Variants in PPP1R13B observed in about 807,000 individuals in gnomAD.
The protein encoded by PPP1R13B is apoptosis-stimulating of p53 protein 1.
In PPP1R13B, 44 loss-of-function variants were observed where a neutral mutation model predicts 119.8. That is an observed-to-expected ratio of 0.37 (90% CI 0.29 to 0.47). The LOEUF is 0.47. Ranked by LOEUF, PPP1R13B falls within the 20% of genes least tolerant of loss-of-function variation. The pLI, the probability that PPP1R13B is intolerant of heterozygous loss-of-function variation, is 0.99. For synonymous variants in PPP1R13B, 542 were observed against 561.5 expected (o/e 0.97, Z 0.49); for missense variants, 1,227 against 1,413.5 (o/e 0.87, Z 2.12).
intron 1 of PPP1R13B, among the ~76,000 whole-genome samples, chr14:103,812,669 T>G (rs1447261325): frequency 6.6e-6 from 1 of 151,664 alleles, no homozygotes; most frequent in African/African-American, 2.4e-5. Flanking sequence ...TCCCCCTGCC[T>G]CAGCCAAGGT....
intron 1 of PPP1R13B, among the ~76,000 whole-genome samples, chr14:103,817,969 T>C (rs544804269): frequency 6.6e-6 from 1 of 151,884 alleles, no homozygotes; most frequent in South Asian, 2.1e-4. Context: ...CTACAGGAAA[T>C]AATCTTTACC....
Position 103,773,749 on chromosome 14 carries a change from G to C in PPP1R13B, c.354+4996C>G, listed in dbSNP as rs151188806. 3.3e-5 allele frequency among the ~76,000 whole-genome samples: 5 copies of C among 152,284 alleles called. No individual in the cohort carries two copies. In the East Asian group the frequency reaches 9.6e-4, roughly 29 times the overall value. ...GAAAGGGGAATAAAATGTAGGGACT[G>C]AAAATAAGGCAGACTGAGTGAACAA... On this transcript the variant is annotated intron_variant, in intron 4 of 16. Coordinates refer to ENST00000202556, the MANE Select transcript of PPP1R13B (RefSeq NM_015316.3).
intron 4 of PPP1R13B, among the ~76,000 whole-genome samples, chr14:103,776,672 A>C (rs1239433322): frequency 6.6e-6 from 1 of 152,148 alleles, no homozygotes; most frequent in Non-Finnish European, 1.5e-5. Flanking sequence ...GGAGATTGAG[A>C]CCATCTTGGC....
intron 9 of PPP1R13B, chr14:103,744,052 G>A (rs1378329606): frequency 6.6e-6 from 1 of 152,258 alleles, no homozygotes; most frequent in Non-Finnish European, 1.5e-5. Context: ...GCTCCACGTG[G>A]CCTGGAGGAT....
At chr14:103,815,770 T>C (rs2086264198) in intron 1 of PPP1R13B, among the ~76,000 whole-genome samples, 1 of 137,046 alleles carries the variant, frequency 7.3e-6, no homozygotes, top group Non-Finnish European at 1.6e-5. Context: ...TAAAATAAAA[T>C]AAAATAATTT....
At chr14:103,800,084 G>A (rs1340611502) in intron 1 of PPP1R13B, among the ~76,000 whole-genome samples, 2 of 151,660 alleles carry the variant, frequency 1.3e-5, no homozygotes, top group Non-Finnish European at 2.9e-5. Context: ...AAAAATAAAG[G>A]AATAAAGTAA....
At chr14:103,794,902 A>T (rs1040879750) in intron 2 of PPP1R13B, among the ~76,000 whole-genome samples, 1 of 152,186 alleles carries the variant, frequency 6.6e-6, no homozygotes, top group Non-Finnish European at 1.5e-5. Flanking sequence ...GCCTTCAGGA[A>T]TTTTAGTCCA....
chr14:103,762,723 G>A (rs1002103814), intron 4 of PPP1R13B: 1 of 648,634 alleles, frequency 1.5e-6, no homozygotes, highest in Non-Finnish European at 2.8e-6. Flanking sequence ...TGTCGGCGGT[G>A]GCCGTGGGGG....
rs1241502187 is a variant in PPP1R13B at position 103,788,967 on chromosome 14, G to C, written c.158-4053C>G. ...GGAGTTGGTAGATGGTGAGAGTATT[G>C]CAGGGAGGAGAGGATGGTGGGCTGA... On this transcript the variant is annotated intron_variant, in intron 2 of 16. Coordinates refer to ENST00000202556, the MANE Select transcript of PPP1R13B (RefSeq NM_015316.3). 2.6e-5 allele frequency among the ~76,000 whole-genome samples: 4 copies of C among 152,190 alleles called. No individual in the cohort carries two copies. The East Asian group carries it at 7.7e-4, about 29-fold the overall frequency.
chr14:103,794,492 A>G (rs1382120362), intron 2 of PPP1R13B: 5 of 254,434 alleles, frequency 2.0e-5, no homozygotes, highest in South Asian at 3.8e-5. Flanking sequence ...ATGCCCAGCT[A>G]ATTTTTTGTT....
At chr14:103,828,510 C>G (rs1191166722) in intron 1 of PPP1R13B, among the ~76,000 whole-genome samples, 2 of 152,176 alleles carry the variant, frequency 1.3e-5, no homozygotes, top group Non-Finnish European at 1.5e-5. Context: ...CAGCTTGGCC[C>G]TGGGCCAGGC....
At chr14:103,754,931 C>A (rs942419044) in intron 5 of PPP1R13B, among the ~76,000 whole-genome samples, 1 of 152,130 alleles carries the variant, frequency 6.6e-6, no homozygotes, top group Non-Finnish European at 1.5e-5. Context: ...AGGCGCCCAC[C>A]ACCATGCCCA....
chr14:103,745,994 C>G (rs2084376650), intron 9 of PPP1R13B, among the ~76,000 whole-genome samples: 2 of 152,144 alleles, frequency 1.3e-5, no homozygotes, highest in Non-Finnish European at 1.5e-5. Context: ...TTAGTAAAGA[C>G]AGGGTTTCAC....
At chr14:103,752,468 G>A (rs1479038440) in intron 7 of PPP1R13B, among the ~76,000 whole-genome samples, 2 of 151,832 alleles carry the variant, frequency 1.3e-5, no homozygotes, top group Non-Finnish European at 2.9e-5. Flanking sequence ...ACAAGTCGGT[G>A]AAGGTACTGA....
chr14:103,843,292 T>C (rs35290797), intron 1 of PPP1R13B, among the ~76,000 whole-genome samples: 2,144 of 151,976 alleles, frequency 0.014, 22 homozygotes, highest in Middle Eastern at 0.024. Context: ...GAGAATCACT[T>C]GAATCCAGGA....
intron 1 of PPP1R13B, among the ~76,000 whole-genome samples, chr14:103,807,427 G>A (rs1378619561): frequency 6.6e-6 from 1 of 152,200 alleles, no homozygotes; most frequent in Non-Finnish European, 1.5e-5. Flanking sequence ...ATTACCTGCT[G>A]TGTCAGTAGT....
chr14:103,812,059 CAAAAAA>C (rs557000296), intron 1 of PPP1R13B, among the ~76,000 whole-genome samples: 1 of 57,556 alleles, frequency 1.7e-5, no homozygotes, highest in Non-Finnish European at 3.0e-5. Context: ...GACTCCCCCT[CAAAAAA>C]AAAAAAAAAA....
chr14:103,816,219 A>G (rs2086276276), intron 1 of PPP1R13B, among the ~76,000 whole-genome samples: 1 of 149,114 alleles, frequency 6.7e-6, no homozygotes, highest in South Asian at 2.2e-4. Context: ...TGGAGTGCAG[A>G]TGATCTTGGC....
chr14:103,799,335 C>T (rs369882967), intron 1 of PPP1R13B, among the ~76,000 whole-genome samples: 81 of 152,224 alleles, frequency 5.3e-4, no homozygotes, highest in African/African-American at 1.9e-3. Context: ...CACGTCACTA[C>T]GCCCGGCTAA....
Sources: gnomAD v4.1 joint callset for allele counts (sites outside exome capture counted in the v4.1 genomes callset) on GRCh38, gnomAD v4.1.1 for gene constraint, MANE v1.5 for transcripts, NCBI Gene and HGNC (gene_info 2026-07-23, HGNC 2026-07-21) for gene names.